The following DST variants were observed in gnomAD, a reference collection of about 807,000 sequenced individuals.
The protein encoded by DST is dystonin.
In DST, 253 loss-of-function variants were observed where a neutral mutation model predicts 875.2. That is an observed-to-expected ratio of 0.29 (90% CI 0.26 to 0.32). The LOEUF (loss-of-function observed/expected upper bound fraction) is 0.32, where lower values mean the gene tolerates loss of function less well. Among genes scored for constraint, DST ranks in the 10% least tolerant of loss-of-function variants. The probability of loss-of-function intolerance (pLI) is 1.00; values close to 1 mark genes in which losing one functional copy is unlikely to be tolerated. For missense variants in DST, 8,287 were observed against 9,111.6 expected, an observed-to-expected ratio of 0.91 and a Z score of 3.68; for synonymous variants, 3,124 against 3,197.1, an observed-to-expected ratio of 0.98 and a Z score of 0.77.
intron 3 of DST, among the ~76,000 whole-genome samples, chr6:56,868,760 G>A (rs1423348452): frequency 6.6e-6 from 1 of 152,070 alleles, no homozygotes; most frequent in East Asian, 1.9e-4. Context: ...GGAGTTTTAG[G>A]TTCAACTCCA....
At chr6:56,778,459 T>C (rs1245797134) in intron 4 of DST, among the ~76,000 whole-genome samples, 1 of 151,340 alleles carries the variant, frequency 6.6e-6, no homozygotes, top group African/African-American at 2.4e-5. Context: ...TGTATACATA[T>C]GCCATGTTGG....
chr6:56,839,859 T>C (rs549462633), intron 4 of DST, among the ~76,000 whole-genome samples: 160 of 152,286 alleles, frequency 1.1e-3, no homozygotes, highest in African/African-American at 3.6e-3. Context: ...CTTTGCCTAT[T>C]GCCTAAACAG....
intron 92 of DST, 105 bp downstream of exon 92, chr6:56,476,044 A>C: frequency 2.9e-6 from 3 of 1,022,528 alleles, no homozygotes; most frequent in Non-Finnish European, 2.8e-6. Context: ...AGTCTGAAGA[A>C]GTGAAAATAA....
At chr6:56,904,628 C>T (rs1265718081) in intron 2 of DST, among the ~76,000 whole-genome samples, 2 of 152,078 alleles carry the variant, frequency 1.3e-5, no homozygotes, top group African/African-American at 2.4e-5. Flanking sequence ...CAACGATGAC[C>T]GTTCACCTTT....
At chr6:56,924,768 T>C (rs770592904) in intron 2 of DST, among the ~76,000 whole-genome samples, 4 of 152,058 alleles carry the variant, frequency 2.6e-5, no homozygotes, top group African/African-American at 4.8e-5. Context: ...AAGAAGCCCA[T>C]ACTTCTTATG....
chr6:56,603,650 G>A lies in DST; in HGVS notation c.10855C>T (p.Leu3619Phe), dbSNP rs1324256998. The A allele has an allele frequency of 1.2e-6, 2 of 1,611,004 alleles. No homozygotes were observed. The highest frequency in any genetic ancestry group is 1.7e-6 in the Non-Finnish European group (2 of 1,178,734). ...TCTAAGGGGGGTTTCATATCTTGAA[G>A]CAATGTCAAATACTCATGCATTTTT... is the stretch of plus-strand genomic sequence containing the variant. ...TEKMHEYLTL[L>F]QDMKPPLDNQ... Residue 3619 changes from leucine to phenylalanine, a missense_variant, in exon 41 of 104, where the codon CTT (leucine) becomes TTT (phenylalanine). By Grantham distance (22) the Leu-to-Phe change is conservative. Around this residue, in one of 10 missense-constraint regions of DST, gnomAD observed 3,138 missense variants for 3,116.6 expected, o/e 1.01. Transcript: ENST00000680361.
rs1201345116 is a variant in DST at position 56,562,086 on chromosome 6, T to TA, written c.14068+51dup. 1.9e-5 allele frequency: 23 copies of TA among 1,221,654 alleles called. No homozygotes were observed. The East Asian group carries it at 3.2e-4, about 17-fold the overall frequency. 75.7% of individuals were successfully genotyped at this position (1,221,654 alleles called of 1,614,324 possible). ...GTTTGCCTCTAAGATTTTCTCTTAT[T>TA]AAAAAAACATCAAATTACATTAATC... On this transcript the variant is annotated intron_variant, in intron 56 of 103. Coordinates refer to ENST00000680361, the MANE Select transcript of DST (RefSeq NM_001374736.1).
intron 2 of DST, among the ~76,000 whole-genome samples, chr6:56,950,659 A>T (rs1291019637): frequency 6.6e-6 from 1 of 152,250 alleles, no homozygotes; most frequent in Non-Finnish European, 1.5e-5. Context: ...TGTTTAGCAT[A>T]ACAAGAACAA....
intron 77 of DST, 88 bp downstream of exon 77, chr6:56,506,355 G>C: frequency 9.7e-7 from 1 of 1,028,520 alleles, no homozygotes; most frequent in South Asian, 1.8e-5. Context: ...TGCACTGGCA[G>C]ATCTTGAGGT....
At chr6:56,591,877 G>C (rs536579176) in intron 49 of DST, among the ~76,000 whole-genome samples, 3 of 151,648 alleles carry the variant, frequency 2.0e-5, no homozygotes, top group African/African-American at 7.3e-5. Context: ...AGCTACTTGG[G>C]AGGCTGAGGC....
intron 4 of DST, among the ~76,000 whole-genome samples, chr6:56,755,971 C>T (rs139503299): frequency 2.6e-4 from 39 of 152,302 alleles, no homozygotes; most frequent in Middle Eastern, 6.8e-3. Flanking sequence ...AGAAAAGACA[C>T]GCCACTTCCA....
intron 36 of DST, chr6:56,618,051 G>T: frequency 6.2e-7 from 1 of 1,614,152 alleles, no homozygotes; most frequent in Non-Finnish European, 8.5e-7. Context: ...CTAACAGGTG[G>T]TCTAGAATTG....
At chr6:56,627,318 G>A in intron 33 of DST, 31 bp from the exon 34 acceptor site, 1 of 1,494,722 alleles carries the variant, frequency 6.7e-7, no homozygotes, top group Non-Finnish European at 9.3e-7. Context: ...GAACAAAAAT[G>A]ACAAGGAATT....
At chr6:56,663,579 C>A (rs1331378982) in intron 10 of DST, among the ~76,000 whole-genome samples, 2 of 152,226 alleles carry the variant, frequency 1.3e-5, no homozygotes, top group Non-Finnish European at 2.9e-5. Context: ...CCAGTCCAAT[C>A]CAGTTTAGCT....
chr6:56,614,454 C>T lies in DST; in HGVS notation c.4960G>A (p.Val1654Ile). ...TTTTGCAATTCTTTGGCTTTTTCAACATGTTCTTTCTTTTCTTCTTCCAGT... is the reference window on the plus strand; with the variant it reads ...TTTTGCAATTCTTTGGCTTTTTCAATATGTTCTTTCTTTTCTTCTTCCAGT... Reference protein sequence around the residue: ...KSLEEEKKEHVEKAKELQKWV... With the variant: ...KSLEEEKKEHIEKAKELQKWV... Residue 1654 changes from valine (V) to isoleucine (I), a missense_variant, in exon 37 of 104, where the codon GTT becomes ATT. By Grantham distance (29) the Val-to-Ile change is conservative (BLOSUM62 3). This residue lies in a region of DST where 3,138 missense variants were observed against 3,116.6 expected (regional missense o/e 1.01). Transcript: ENST00000680361. The T allele has an allele frequency of 6.2e-7, 1 of 1,607,574 alleles. No homozygotes were observed. Among genetic ancestry groups the T allele is most frequent in the Non-Finnish European group, 8.5e-7 (1 of 1,177,252 alleles).
In DST at chr6:56,534,835, TTTAC is replaced by T. The variant is rs537485091; in HGVS notation, c.16941+283_16941+286del. 9.7e-4 allele frequency among the ~76,000 whole-genome samples: 148 copies of T among 152,324 alleles called. 1 individual carries two copies. The East Asian group carries it at 0.024, about 24-fold the overall frequency. ...AACTTATCACCATTCATTTATTTAC[TTTAC>T]TTATTGTCTTTCAATCCTGGCACAC... On this transcript the variant is annotated intron_variant, in intron 63 of 103. Coordinates refer to ENST00000680361, the MANE Select transcript of DST (RefSeq NM_001374736.1).
rs760114228 is a variant in DST at position 56,639,777 on chromosome 6, T to C, written c.2620-4A>G. On this transcript the variant is annotated splice_polypyrimidine_tract_variant and splice_region_variant and intron_variant, in intron 19 of 103. Transcript: ENST00000680361. ...TAAGAGGTGCTGTCATTTGAATCTA[T>C]AACATGAGATTAAAAAGACACTCCA... 1.2e-6 allele frequency: 2 copies of C among 1,612,046 alleles called. No individual in the cohort carries two copies. Among genetic ancestry groups the C allele is most frequent in the East Asian group, 2.2e-5 (1 of 44,820 alleles).
chr6:56,859,696 T>C (rs1019771364), intron 3 of DST, among the ~76,000 whole-genome samples: 1 of 152,190 alleles, frequency 6.6e-6, no homozygotes, highest in Non-Finnish European at 1.5e-5. Context: ...TAAGTACCTA[T>C]AGGCTTCTTT....
At chr6:56,693,029 T>A in intron 9 of DST, 1 of 1,289,800 alleles carries the variant, frequency 7.8e-7, no homozygotes, top group Non-Finnish European at 1.0e-6. Flanking sequence ...GTTTTTTTGA[T>A]CGGTTTTCTT....
Sources: allele counts gnomAD v4.1 joint callset (sites outside exome capture counted in the v4.1 genomes callset), GRCh38; gene constraint gnomAD v4.1.1; regional missense constraint gnomAD v4.1.1; transcripts MANE v1.5; gene names NCBI Gene and HGNC (gene_info 2026-07-23, HGNC 2026-07-21).